The following ROBO1 variants were observed in gnomAD, a reference collection of about 807,000 sequenced individuals.
The protein encoded by ROBO1 is roundabout homolog 1.
ROBO1 carries 149 observed loss-of-function variants against 195.9 expected under a neutral mutation model. The ratio of observed to expected loss-of-function variants is 0.76; its 90% CI spans 0.67 to 0.87. The LOEUF (loss-of-function observed/expected upper bound fraction) is 0.87. Among genes scored for constraint, ROBO1 ranks in the 40% least tolerant of loss-of-function variants. The pLI is 0.00. For missense variants in ROBO1, 1,933 were observed against 2,068.3 expected (o/e 0.93, Z 1.27); for synonymous variants, 816 against 733.2 (o/e 1.11, Z -1.82).
At chr3:78,616,817 TAA>T (rs1355969689) in intron 27 of ROBO1, among the ~76,000 whole-genome samples, 1 of 152,144 alleles carries the variant, frequency 6.6e-6, no homozygotes, top group Non-Finnish European at 1.5e-5. Context: ...ATGTGATAAA[TAA>T]GTCTTACATT....
intron 3 of ROBO1, among the ~76,000 whole-genome samples, chr3:79,003,079 T>C (rs1237434229): frequency 6.6e-6 from 1 of 152,188 alleles, no homozygotes; most frequent in Non-Finnish European, 1.5e-5. Flanking sequence ...TAACATTTTT[T>C]TAAATGTGGG....
intron 1 of ROBO1, among the ~76,000 whole-genome samples, chr3:79,674,707 T>G (rs1228619264): frequency 1.3e-5 from 2 of 151,862 alleles, no homozygotes; most frequent in Non-Finnish European, 2.9e-5. Context: ...GATTTAAATA[T>G]TCTATATTAT....
chr3:79,402,529 CCAAA>C (rs1402068217), intron 2 of ROBO1, among the ~76,000 whole-genome samples: 3 of 151,800 alleles, frequency 2.0e-5, no homozygotes, highest in Non-Finnish European at 2.9e-5. Flanking sequence ...AATAAGTACC[CCAAA>C]CAAAGTCACC....
chr3:78,776,243 TTTA>T lies in ROBO1; in HGVS notation c.500-29346_500-29344del, dbSNP rs1210900955. Among the ~76,000 whole-genome samples, 5 of 83,006 alleles carry T rather than the reference TTTA, an allele frequency of 6.0e-5. No individual in the cohort carries two copies. The East Asian group carries it at 3.8e-3, about 63-fold the overall frequency. 54.5% of individuals were successfully genotyped at this position (83,006 alleles called of 152,430 possible). On this transcript the variant is annotated intron_variant, in intron 4 of 30. Transcript: ENST00000464233. The stretch of plus-strand genomic sequence containing the variant: ...TCAGACACTTGTGAAGAAATTCTTA[TTTA>T]TTTATTTATTTATTTATTTATTTAG...
chr3:78,612,056 C>A (rs1317213585), intron 28 of ROBO1, among the ~76,000 whole-genome samples: 1 of 152,178 alleles, frequency 6.6e-6, no homozygotes. Flanking sequence ...AGGATCATCG[C>A]AAATTACTCT....
intron 26 of ROBO1, among the ~76,000 whole-genome samples, chr3:78,618,753 T>A (rs1507420): frequency 0.35 from 52,814 of 151,882 alleles, 10,020 homozygotes; most frequent in Admixed American, 0.45. Context: ...TATTTTTTCT[T>A]ATGTCCTGGA....
chr3:79,140,017 A>G (rs150021401), intron 2 of ROBO1, among the ~76,000 whole-genome samples: 1 of 152,286 alleles, frequency 6.6e-6, no homozygotes, highest in African/African-American at 2.4e-5. Context: ...TTTTTATAGC[A>G]TTTAAATGAT....
intron 4 of ROBO1, among the ~76,000 whole-genome samples, chr3:78,851,583 C>A (rs1174459804): frequency 6.6e-6 from 1 of 152,056 alleles, no homozygotes; most frequent in Non-Finnish European, 1.5e-5. Flanking sequence ...ATATGGTTAT[C>A]TATTAAATAT....
At chr3:79,759,525 G>C (rs2107513739) in intron 1 of ROBO1, among the ~76,000 whole-genome samples, 1 of 152,226 alleles carries the variant, frequency 6.6e-6, no homozygotes, top group East Asian at 1.9e-4. Flanking sequence ...TTAGTAAACA[G>C]GATTCATTAA....
chr3:79,028,152 A>AATATAT (rs1357182269), intron 3 of ROBO1, among the ~76,000 whole-genome samples: 2 of 152,028 alleles, frequency 1.3e-5, no homozygotes, highest in Non-Finnish European at 2.9e-5. Context: ...TTTTTTTCAC[A>AATATAT]ATATAGAAGT....
intron 2 of ROBO1, among the ~76,000 whole-genome samples, chr3:79,181,649 A>C (rs1399859833): frequency 6.6e-6 from 1 of 152,170 alleles, no homozygotes; most frequent in Admixed American, 6.5e-5. Flanking sequence ...TTTTACCTTA[A>C]TGTAAGAAAT....
intron 4 of ROBO1, among the ~76,000 whole-genome samples, chr3:78,910,840 A>G (rs1022445410): frequency 4.6e-5 from 7 of 152,006 alleles, no homozygotes; most frequent in Middle Eastern, 3.2e-3. Context: ...TCTAGAGTAG[A>G]GGTTCTCAGT....
chr3:79,063,643 A>G (rs185593560), intron 3 of ROBO1, among the ~76,000 whole-genome samples: 1 of 151,780 alleles, frequency 6.6e-6, no homozygotes, highest in Admixed American at 6.6e-5. Flanking sequence ...TTGAAATACT[A>G]TTTTTATGTG....
chr3:78,678,805 A>G (rs1708603766), intron 10 of ROBO1, among the ~76,000 whole-genome samples: 1 of 152,182 alleles, frequency 6.6e-6, no homozygotes, highest in Non-Finnish European at 1.5e-5. Context: ...AAGAGAGGGA[A>G]TCCTCCCTAA....
intron 3 of ROBO1, among the ~76,000 whole-genome samples, chr3:79,064,182 A>C (rs1213044417): frequency 6.6e-6 from 1 of 151,982 alleles, no homozygotes; most frequent in Non-Finnish European, 1.5e-5. Flanking sequence ...ACATGTATTG[A>C]AGCATCACAC....
intron 2 of ROBO1, among the ~76,000 whole-genome samples, chr3:79,137,998 G>A (rs1257978903): frequency 6.6e-6 from 1 of 152,006 alleles, no homozygotes; most frequent in African/African-American, 2.4e-5. Flanking sequence ...TATTTAATAA[G>A]GTAGTCAGTT....
chr3:78,651,775 CT>C lies in ROBO1; in HGVS notation c.2768del (p.Lys923ArgfsTer25). On this transcript the variant is annotated frameshift_variant, in exon 19 of 31. Coordinates refer to ENST00000464233, the MANE Select transcript of ROBO1 (RefSeq NM_002941.4). LOFTEE classifies it high-confidence loss of function. ...AGGTACTAGTAAGTCCGTTTCTCTT[CT>C]TGCGGTGTCGATAAAGCCAGATGCT... Reference protein sequence around the residue: ...VFSIWLYRHRKKRNGLTSTYA... With the variant: ...VFSIWLYRHRXKRNGLTSTYA... 1 of 1,613,470 alleles carries C rather than the reference CT, an allele frequency of 6.2e-7. No homozygotes were observed. The highest frequency in any genetic ancestry group is 8.5e-7 in the Non-Finnish European group (1 of 1,179,598).
intron 1 of ROBO1, among the ~76,000 whole-genome samples, chr3:79,685,236 C>G (rs1947065898): frequency 6.6e-6 from 1 of 152,078 alleles, no homozygotes; most frequent in Non-Finnish European, 1.5e-5. Context: ...TTCTGAGGGC[C>G]TCTGTGTGCA....
chr3:79,470,192 A>C (rs1938192229), intron 2 of ROBO1, among the ~76,000 whole-genome samples: 1 of 152,158 alleles, frequency 6.6e-6, no homozygotes, highest in Non-Finnish European at 1.5e-5. Flanking sequence ...TGGATTAAGA[A>C]AATGTGGCAC....
Sources: gnomAD v4.1 joint callset for allele counts (sites outside exome capture counted in the v4.1 genomes callset) on GRCh38, gnomAD v4.1.1 for gene constraint, MANE v1.5 for transcripts, NCBI Gene and HGNC (gene_info 2026-07-23, HGNC 2026-07-21) for gene names.